The following UMAD1 variants were observed in gnomAD, a reference collection of about 807,000 sequenced individuals.
UMAD1 encodes UBAP1-MVB12-associated (UMA) domain containing 1, also known as UBAP1-MVB12-associated (UMA)-domain containing protein 1.
Under a neutral mutation model 6.1 loss-of-function variants are expected in UMAD1, and 8 were observed. That is an observed-to-expected ratio of 1.30 (90% confidence interval 0.76 to 2.35). The LOEUF is 2.35. Ranked by LOEUF, UMAD1 falls within the 30% of genes most tolerant of loss-of-function variation. The probability of loss-of-function intolerance (pLI) is 0.00; values close to 1 mark genes in which losing one functional copy is unlikely to be tolerated. For missense variants in UMAD1, 130 were observed against 78.4 expected (o/e 1.66, Z -2.49); for synonymous variants, 56 against 31.4 (o/e 1.78, Z -2.61).
chr7:7,752,346 T>A (rs899240437), intron 2 of UMAD1, among the ~76,000 whole-genome samples: 4 of 152,152 alleles, frequency 2.6e-5, no homozygotes, highest in African/African-American at 9.6e-5. Context: ...ACACTTAAGT[T>A]TCTCTTGATT....
At position 7,840,377 on chromosome 7, in the gene UMAD1, C is replaced by T. The variant is rs115691812; in HGVS notation, c.157-36904C>T. Among the ~76,000 whole-genome samples, 531 of 152,190 alleles carry T rather than the reference C, an allele frequency of 3.5e-3. 7 individuals are homozygous for T. Among genetic ancestry groups the T allele is most frequent in the African/African-American group, 0.012 (505 of 41,526 alleles). On this transcript the variant is annotated intron_variant, in intron 3 of 3. Transcript: ENST00000682710. ...GGGACTTTCATAGAATATTGATGCC[C>T]CGGCCCCACCCCAGACCAATTAAAT...
chr7:7,700,921 A>AT (rs1780445592), intron 2 of UMAD1, among the ~76,000 whole-genome samples: 1 of 152,088 alleles, frequency 6.6e-6, no homozygotes, highest in Non-Finnish European at 1.5e-5. Context: ...ATGGTGGTGC[A>AT]TACCTGTAGT....
intron 3 of UMAD1, 137 bp downstream of exon 3, chr7:7,801,880 G>A: frequency 1.6e-6 from 1 of 620,584 alleles, no homozygotes; most frequent in Non-Finnish European, 2.9e-6. Context: ...GTGGTCTGCT[G>A]AAAGTCAGTG....
chr7:7,838,910 G>A (rs566926870), intron 3 of UMAD1, among the ~76,000 whole-genome samples: 1 of 152,220 alleles, frequency 6.6e-6, no homozygotes, highest in Admixed American at 6.5e-5. Context: ...GAAATATATA[G>A]ATATATTGAT....
At position 7,830,873 on chromosome 7, in the gene UMAD1, A is replaced by G. The variant is rs1417424692; in HGVS notation, c.156+29130A>G. Among the ~76,000 whole-genome samples, 3 of 152,192 alleles carry G rather than the reference A, an allele frequency of 2.0e-5. No homozygotes were observed. Among genetic ancestry groups the G allele is most frequent in the Admixed American group, 2.0e-4 (3 of 15,270 alleles). On this transcript the variant is annotated intron_variant, in intron 3 of 3. Transcript: ENST00000682710. This position sits in a 1 kb window ranked among gnomAD's most constrained non-coding sequence, Gnocchi z 5.3. ...CCCATCTTTTTAAGTATCTGCATAG[A>G]AAAATTTGTTATTAGTTTTTATGAA...
chr7:7,662,626 C>T (rs1387318179), intron 1 of UMAD1, among the ~76,000 whole-genome samples: 2 of 152,126 alleles, frequency 1.3e-5, no homozygotes, highest in East Asian at 1.9e-4. Flanking sequence ...TGTTTCTGTT[C>T]GCCCTCCTTG....
intron 2 of UMAD1, among the ~76,000 whole-genome samples, chr7:7,745,361 A>G (rs1781551569): frequency 6.6e-6 from 1 of 152,142 alleles, no homozygotes; most frequent in African/African-American, 2.4e-5. Context: ...CTTCTCTCTG[A>G]TTTCTAATTA....
chr7:7,794,873 C>G (rs552573883), intron 2 of UMAD1, among the ~76,000 whole-genome samples: 1 of 152,098 alleles, frequency 6.6e-6, no homozygotes, highest in Non-Finnish European at 1.5e-5. Context: ...TGAAGAGAGA[C>G]GCTTAGGATA....
chr7:7,693,297 A>ATCTG lies in UMAD1; in HGVS notation c.82+19847_82+19848insGTCT, dbSNP rs1249960067. The stretch of plus-strand genomic sequence containing the variant: ...GAATAGTTACTCTTAAAATATCTTT[A>ATCTG]TCTATCTATCTATCTATCTATCTAT... On this transcript the variant is annotated intron_variant, in intron 2 of 3. Coordinates refer to ENST00000682710, the MANE Select transcript of UMAD1 (RefSeq NM_001302348.2). Among the ~76,000 whole-genome samples, 14 of 144,270 alleles carry ATCTG rather than the reference A, an allele frequency of 9.7e-5. No homozygotes were observed. The East Asian group carries it at 2.7e-3, about 28-fold the overall frequency. The allele number at this position is 144,270 out of a possible 152,430, so 94.6% of individuals were successfully genotyped here.
intron 3 of UMAD1, among the ~76,000 whole-genome samples, chr7:7,835,556 T>A (rs1401626528): frequency 6.8e-6 from 1 of 146,956 alleles, no homozygotes; most frequent in Non-Finnish European, 1.5e-5. Context: ...TCTTGGGAAG[T>A]TTATTTTCTA....
At chr7:7,776,258 C>G (rs192921824) in intron 2 of UMAD1, among the ~76,000 whole-genome samples, 1 of 152,016 alleles carries the variant, frequency 6.6e-6, no homozygotes, top group Non-Finnish European at 1.5e-5. Context: ...CCCAGGAATT[C>G]GAAAGCAGCT....
At chr7:7,655,097 C>T (rs62452504) in intron 1 of UMAD1, among the ~76,000 whole-genome samples, 1 of 151,948 alleles carries the variant, frequency 6.6e-6, no homozygotes, top group African/African-American at 2.4e-5. Context: ...AGCAATGATT[C>T]CAGACAGTTC....
At chr7:7,672,349 T>C (rs1252721922) in intron 1 of UMAD1, among the ~76,000 whole-genome samples, 1 of 152,154 alleles carries the variant, frequency 6.6e-6, no homozygotes, top group Non-Finnish European at 1.5e-5. Context: ...AAGAGGGTTG[T>C]GTATGTGTGC....
intron 2 of UMAD1, among the ~76,000 whole-genome samples, chr7:7,790,914 T>C (rs1227315967): frequency 6.6e-6 from 1 of 152,174 alleles, no homozygotes; most frequent in African/African-American, 2.4e-5. Context: ...TGATACAGAA[T>C]CTTGCTTGCT....
chr7:7,848,196 T>G (rs555806531), intron 3 of UMAD1, among the ~76,000 whole-genome samples: 4 of 152,334 alleles, frequency 2.6e-5, no homozygotes, highest in African/African-American at 9.6e-5. Context: ...CATTTTTCCC[T>G]CAAATAACTG....
intron 2 of UMAD1, among the ~76,000 whole-genome samples, chr7:7,691,778 G>A (rs1780177986): frequency 6.6e-6 from 1 of 152,178 alleles, no homozygotes; most frequent in Non-Finnish European, 1.5e-5. Flanking sequence ...TGATGGTATT[G>A]AAGTGTTTTC....
intron 3 of UMAD1, among the ~76,000 whole-genome samples, chr7:7,860,501 T>C (rs1784093280): frequency 6.6e-6 from 1 of 150,872 alleles, no homozygotes; most frequent in African/African-American, 2.4e-5. Flanking sequence ...TGGCTTATGC[T>C]TGTAATCTCA....
intron 2 of UMAD1, among the ~76,000 whole-genome samples, chr7:7,678,704 T>G (rs2115117382): frequency 8.6e-6 from 1 of 116,398 alleles, no homozygotes; most frequent in South Asian, 2.6e-4. Context: ...AAATATATAT[T>G]TATATATTTA....
chr7:7,693,432 T>C (rs569077972), intron 2 of UMAD1, among the ~76,000 whole-genome samples: 1 of 152,248 alleles, frequency 6.6e-6, no homozygotes, highest in South Asian at 2.1e-4. Context: ...ATGTATAGAC[T>C]TTCCAAGGGG....
Sources: allele counts gnomAD v4.1 joint callset (sites outside exome capture counted in the v4.1 genomes callset), GRCh38; gene constraint gnomAD v4.1.1; non-coding constraint Gnocchi (gnomAD v3.1); transcripts MANE v1.5; gene names NCBI Gene and HGNC (gene_info 2026-07-23, HGNC 2026-07-21).